The following MRPS35 variants were observed in gnomAD, a reference collection of about 807,000 sequenced individuals.
The protein encoded by MRPS35 is small ribosomal subunit protein mS35.
In MRPS35, 29 loss-of-function variants were observed where a neutral mutation model predicts 32.7. That is an observed-to-expected ratio of 0.89 (90% CI 0.66 to 1.21). The LOEUF (loss-of-function observed/expected upper bound fraction) is 1.21, where lower values mean the gene tolerates loss of function less well. MRPS35 is among the 50% of genes most tolerant of loss of function. The probability of loss-of-function intolerance (pLI) is 0.00; values close to 1 mark genes in which losing one functional copy is unlikely to be tolerated. For synonymous variants in MRPS35, 148 were observed against 139.3 expected (o/e 1.06, Z -0.44); for missense variants, 373 against 383.8 (o/e 0.97, Z 0.23).
At chr12:27,720,515 CACAT>C (rs1054081677) in intron 4 of MRPS35, among the ~76,000 whole-genome samples, 59 of 151,630 alleles carry the variant, frequency 3.9e-4, no homozygotes, top group African/African-American at 1.2e-3. Flanking sequence ...AAATTAGTGA[CACAT>C]GCATGTGGTA....
chr12:27,745,252 G>A (rs2061978321), intron 7 of MRPS35, among the ~76,000 whole-genome samples: 1 of 152,054 alleles, frequency 6.6e-6, no homozygotes, highest in Non-Finnish European at 1.5e-5. Flanking sequence ...TCTTATTATA[G>A]CCTTTTCATT....
chr12:27,713,776 C>T (rs1322193942), intron 1 of MRPS35, among the ~76,000 whole-genome samples: 1 of 152,104 alleles, frequency 6.6e-6, no homozygotes, highest in Non-Finnish European at 1.5e-5. Flanking sequence ...TTCCTCAATC[C>T]AGTCAAATTG....
intron 7 of MRPS35, among the ~76,000 whole-genome samples, chr12:27,752,220 A>T (rs534810780): frequency 5.9e-5 from 9 of 152,324 alleles, no homozygotes; most frequent in African/African-American, 1.7e-4. Flanking sequence ...CACACCTGAG[A>T]TGAATGAAGG....
intron 3 of MRPS35, among the ~76,000 whole-genome samples, chr12:27,717,089 C>G (rs1277599398): frequency 6.6e-6 from 1 of 152,010 alleles, no homozygotes; most frequent in Non-Finnish European, 1.5e-5. Flanking sequence ...AGTATGTTGC[C>G]CAAGCTGGTC....
intron 5 of MRPS35, among the ~76,000 whole-genome samples, chr12:27,728,452 C>T (rs1477092209): frequency 6.6e-6 from 1 of 152,070 alleles, no homozygotes; most frequent in Non-Finnish European, 1.5e-5. Flanking sequence ...ATGTTTCACA[C>T]TAAAATACTT....
intron 1 of MRPS35, 140 bp from the exon 2 acceptor site, chr12:27,714,640 A>C (rs931462525): frequency 4.4e-6 from 3 of 683,030 alleles, no homozygotes; most frequent in Admixed American, 6.5e-5. Flanking sequence ...TTACCAAAAA[A>C]AAAAAAAAAA....
chr12:27,727,153 G>A lies in MRPS35; in HGVS notation c.522+2967G>A, dbSNP rs180848560. Among the ~76,000 whole-genome samples, 12 of 151,932 alleles carry A rather than the reference G, an allele frequency of 7.9e-5. No homozygotes were observed. The East Asian group carries it at 2.3e-3, about 29-fold the overall frequency. On this transcript the variant is annotated intron_variant, in intron 5 of 7. Transcript: ENST00000081029. ...TTTTTTGTATTTTTAGTAGAGATGG[G>A]GTTTTCACCGTGTTAGCCAGGATGG...
chr12:27,743,935 A>G (rs2061972842), intron 7 of MRPS35, among the ~76,000 whole-genome samples: 1 of 152,196 alleles, frequency 6.6e-6, no homozygotes, highest in Non-Finnish European at 1.5e-5. Context: ...GGATTCCAAT[A>G]TCTGAATTTG....
At chr12:27,735,614 T>C in intron 6 of MRPS35, 58 bp downstream of exon 6, 1 of 1,214,892 alleles carries the variant, frequency 8.2e-7, no homozygotes, top group Non-Finnish European at 1.2e-6. Flanking sequence ...GTCCTCCAAT[T>C]CCTTGGCAGT....
intron 5 of MRPS35, among the ~76,000 whole-genome samples, chr12:27,730,415 C>T (rs563987308): frequency 1.3e-5 from 2 of 152,268 alleles, no homozygotes; most frequent in South Asian, 2.1e-4. Context: ...ATTCTCATCA[C>T]ATCATATCGA....
intron 7 of MRPS35, among the ~76,000 whole-genome samples, chr12:27,750,770 G>T (rs549855512): frequency 6.6e-6 from 1 of 152,190 alleles, no homozygotes; most frequent in Admixed American, 6.5e-5. Context: ...GTGCCACTGT[G>T]CTCCAGCCTA....
At chr12:27,732,118 A>G (rs2061924349) in intron 5 of MRPS35, among the ~76,000 whole-genome samples, 1 of 152,184 alleles carries the variant, frequency 6.6e-6, no homozygotes, top group African/African-American at 2.4e-5. Context: ...CCTATTTTTC[A>G]TAATAATGGT....
intron 7 of MRPS35, among the ~76,000 whole-genome samples, chr12:27,753,647 AGTT>A (rs1249939572): frequency 1.3e-5 from 2 of 152,158 alleles, no homozygotes; most frequent in Non-Finnish European, 2.9e-5. Flanking sequence ...CACCTTTAAA[AGTT>A]GTTATTCAGA....
chr12:27,754,765 C>CAAAAAA (rs149548847), intron 7 of MRPS35, among the ~76,000 whole-genome samples: 1 of 103,560 alleles, frequency 9.7e-6, no homozygotes, highest in Non-Finnish European at 1.9e-5. Flanking sequence ...AGACCCATCT[C>CAAAAAA]AAAAAAAAAA....
At chr12:27,722,188 G>A (rs1162136077) in intron 4 of MRPS35, among the ~76,000 whole-genome samples, 1 of 152,070 alleles carries the variant, frequency 6.6e-6, no homozygotes, top group African/African-American at 2.4e-5. Context: ...TGCGTCTTCC[G>A]TATAACTCAA....
chr12:27,741,447 A>G (rs2061964554), intron 7 of MRPS35, among the ~76,000 whole-genome samples: 1 of 152,162 alleles, frequency 6.6e-6, no homozygotes, highest in Non-Finnish European at 1.5e-5. Flanking sequence ...AAGCATCTAT[A>G]AATAATGTTG....
At chr12:27,736,938 A>C (rs2061945132) in intron 6 of MRPS35, among the ~76,000 whole-genome samples, 1 of 152,168 alleles carries the variant, frequency 6.6e-6, no homozygotes, top group South Asian at 2.1e-4. Context: ...GGTCAGTGGC[A>C]CAGTCATAGC....
intron 1 of MRPS35, among the ~76,000 whole-genome samples, chr12:27,713,116 T>C (rs2061835029): frequency 6.6e-6 from 1 of 152,236 alleles, no homozygotes; most frequent in Non-Finnish European, 1.5e-5. Context: ...TGTTCTTAAA[T>C]TTCAGCCATA....
At position 27,724,115 on chromosome 12, in the gene MRPS35, A is replaced by T. The variant is rs754835868; in HGVS notation, c.451A>T (p.Ile151Phe). Reference sequence around the variant, plus strand: ...ATGTGAGAAGCATTTTCCAATTGAAATTGACAGCACTGATTATGTTTCATC... The same window carrying T: ...ATGTGAGAAGCATTTTCCAATTGAATTTGACAGCACTGATTATGTTTCATC... ...EKCEKHFPIE[I>F]DSTDYVSSGP... The change falls in exon 5 of 8, where the codon ATT becomes TTT. Residue 151 changes from isoleucine to phenylalanine, a missense_variant. By Grantham distance (21) the Ile-to-Phe change is conservative (BLOSUM62 0). Transcript: ENST00000081029. 5 of 1,613,818 alleles carry T rather than the reference A, an allele frequency of 3.1e-6. No individual in the cohort carries two copies. In the East Asian group the frequency reaches 1.1e-4, roughly 36 times the overall value.
Sources: gnomAD v4.1 joint callset for allele counts (sites outside exome capture counted in the v4.1 genomes callset) on GRCh38, gnomAD v4.1.1 for gene constraint, MANE v1.5 for transcripts, NCBI Gene and HGNC (gene_info 2026-07-23, HGNC 2026-07-21) for gene names.